Variants in EXTL3 observed in about 807,000 individuals in gnomAD.
EXTL3 encodes the protein exostosin-like 3.
A neutral mutation model predicts 69.3 loss-of-function variants in EXTL3; 27 were observed. The ratio of observed to expected loss-of-function variants is 0.39; its 90% CI spans 0.29 to 0.54. The LOEUF is 0.54. Ranked by LOEUF, EXTL3 falls within the 20% of genes least tolerant of loss-of-function variation. The pLI is 0.69. For synonymous variants in EXTL3, 511 were observed against 499.4 expected, an observed-to-expected ratio of 1.02 and a Z score of -0.31; for missense variants, 1,003 against 1,231.8, an observed-to-expected ratio of 0.81 and a Z score of 2.78.
chr8:28,630,417 A>G (rs1214443167), intron 1 of EXTL3, among the ~76,000 whole-genome samples: 2 of 152,094 alleles, frequency 1.3e-5, no homozygotes, highest in African/African-American at 4.8e-5. Context: ...TTAACCCACT[A>G]ACCCACTATT....
chr8:28,700,637 G>GT (rs1235911026), upstream of EXTL3: 1 of 152,170 alleles, frequency 6.6e-6, no homozygotes, highest in African/African-American at 2.4e-5. Context: ...AAACCCTGGA[G>GT]TAGAAGCCCT....
intron 1 of EXTL3, among the ~76,000 whole-genome samples, chr8:28,676,502 G>A (rs909102248): frequency 1.3e-5 from 2 of 152,216 alleles, no homozygotes; most frequent in Admixed American, 6.5e-5. Flanking sequence ...TTTAGACATA[G>A]TTTAGAGAAC....
chr8:28,706,865 G>A (rs1482952363), intron 1 of EXTL3, among the ~76,000 whole-genome samples: 3 of 150,196 alleles, frequency 2.0e-5, no homozygotes, highest in Non-Finnish European at 3.0e-5. Flanking sequence ...TGAATACATA[G>A]AATCATTTGA....
At chr8:28,690,912 G>A (rs1800604657) in intron 1 of EXTL3, among the ~76,000 whole-genome samples, 1 of 152,136 alleles carries the variant, frequency 6.6e-6, no homozygotes, top group South Asian at 2.1e-4. Flanking sequence ...AATACCAGGG[G>A]GCAGGGATCA....
At chr8:28,672,054 T>G (rs188156325) in intron 1 of EXTL3, among the ~76,000 whole-genome samples, 18 of 152,266 alleles carry the variant, frequency 1.2e-4, no homozygotes, top group Non-Finnish European at 2.1e-4. Flanking sequence ...TTTCATCCCT[T>G]AAGTAGCAAA....
intron 2 of EXTL3, among the ~76,000 whole-genome samples, chr8:28,612,705 G>A (rs1187904756): frequency 6.6e-6 from 1 of 151,872 alleles, no homozygotes; most frequent in East Asian, 1.9e-4. Context: ...GCCTATCGAT[G>A]TGATGGATTA....
At chr8:28,671,422 C>A (rs1807292150) in intron 1 of EXTL3, among the ~76,000 whole-genome samples, 1 of 151,430 alleles carries the variant, frequency 6.6e-6, no homozygotes, top group South Asian at 2.1e-4. Flanking sequence ...TTTCGGCAAC[C>A]TCTGCCTCCT....
chr8:28,725,894 G>C (rs556906010), intron 3 of EXTL3, among the ~76,000 whole-genome samples: 1 of 151,222 alleles, frequency 6.6e-6, no homozygotes, highest in African/African-American at 2.4e-5. Context: ...TTTTATGTTC[G>C]ATCTGTCTTT....
chr8:28,714,088 T>G (rs1008463511), intron 2 of EXTL3, among the ~76,000 whole-genome samples: 14 of 152,138 alleles, frequency 9.2e-5, no homozygotes, highest in African/African-American at 3.4e-4. Context: ...GTATTTTTAG[T>G]AGAGATGGGG....
At chr8:28,728,867 A>G (rs1801470303) in intron 3 of EXTL3, among the ~76,000 whole-genome samples, 1 of 152,110 alleles carries the variant, frequency 6.6e-6, no homozygotes, top group South Asian at 2.1e-4. Flanking sequence ...ACTCCAGCCT[A>G]GGTGACAACT....
chr8:28,711,972 C>T (rs762201725), intron 1 of EXTL3, among the ~76,000 whole-genome samples: 7 of 152,062 alleles, frequency 4.6e-5, no homozygotes, highest in Non-Finnish European at 8.8e-5. Flanking sequence ...GTGCTGGCCA[C>T]GCAGCAGTGA....
intron 1 of EXTL3, 119 bp downstream of exon 1, chr8:28,701,778 C>G (rs1351961300): frequency 1.3e-5 from 2 of 152,670 alleles, no homozygotes; most frequent in Non-Finnish European, 2.9e-5. Flanking sequence ...CCGGGTCCGC[C>G]GTGCCCCGGG....
intron 1 of EXTL3, among the ~76,000 whole-genome samples, chr8:28,658,109 C>T (rs1048094614): frequency 1.8e-4 from 27 of 152,188 alleles, no homozygotes; most frequent in Admixed American, 1.4e-3. Context: ...CACAGGGCTG[C>T]CCGTGCAGAA....
chr8:28,666,610 C>T (rs1263357720), intron 1 of EXTL3, among the ~76,000 whole-genome samples: 10 of 152,074 alleles, frequency 6.6e-5, no homozygotes. Context: ...GAGTTTCACT[C>T]TGTCGCCCAG....
At position 28,658,541 on chromosome 8, in the gene EXTL3, C is replaced by T. The variant is rs200487312; in HGVS notation, c.-53+35731C>T. 3.5e-4 allele frequency among the ~76,000 whole-genome samples: 53 copies of T among 152,272 alleles called. 1 individual carries two copies. The East Asian group carries it at 5.0e-3, about 14-fold the overall frequency. On this transcript the variant is annotated intron_variant, in intron 1 of 6. Coordinates refer to the EXTL3 transcript ENST00000523149. ...TACCTTGCTGTTCCCCCCCTGCCCC[C>T]GCACTTATCTTGGAGACTCTAAAAA...
chr8:28,621,881 C>G (rs1806413195), upstream of EXTL3, among the ~76,000 whole-genome samples: 1 of 152,364 alleles, frequency 6.6e-6, no homozygotes, highest in Middle Eastern at 3.4e-3. Context: ...CATCGCATGA[C>G]AGAAATATTT....
intron 1 of EXTL3, among the ~76,000 whole-genome samples, chr8:28,711,267 C>T (rs1008363117): frequency 2.6e-5 from 4 of 152,120 alleles, no homozygotes; most frequent in African/African-American, 9.7e-5. Flanking sequence ...CAGTGACAAA[C>T]CTCTTTGTTT....
upstream of EXTL3, among the ~76,000 whole-genome samples, chr8:28,620,276 G>A (rs1446218818): frequency 6.6e-6 from 1 of 152,094 alleles, no homozygotes; most frequent in Non-Finnish European, 1.5e-5. Flanking sequence ...CACCACCTCA[G>A]CAGGCAGGGC....
At chr8:28,610,579 C>T (rs1209931596) in intron 2 of EXTL3, among the ~76,000 whole-genome samples, 11 of 152,102 alleles carry the variant, frequency 7.2e-5, no homozygotes, top group Admixed American at 2.6e-4. Context: ...AGTTATCGGG[C>T]GCTTTCATGT....
Sources: allele counts gnomAD v4.1 joint callset (sites outside exome capture counted in the v4.1 genomes callset), GRCh38; gene constraint gnomAD v4.1.1; transcripts MANE v1.5; gene names NCBI Gene and HGNC (gene_info 2026-07-23, HGNC 2026-07-21).